Variants in SLC25A25 observed in about 807,000 individuals in gnomAD.
The protein encoded by SLC25A25 is solute carrier family 25 member 25, also known as mitochondrial adenyl nucleotide antiporter SLC25A25.
Under a neutral mutation model 57.7 loss-of-function variants are expected in SLC25A25, and 32 were observed. The observed-to-expected ratio is 0.55, with a 90% CI of 0.42 to 0.74. The LOEUF (loss-of-function observed/expected upper bound fraction) is 0.74. Among genes scored for constraint, SLC25A25 ranks in the 30% least tolerant of loss-of-function variants. The pLI is 0.00. For missense variants in SLC25A25, 556 were observed against 701.3 expected (o/e 0.79, Z 2.34); for synonymous variants, 306 against 291.2 (o/e 1.05, Z -0.52).
rs1476513863 is a variant in SLC25A25, at chr9:128,099,497, G to A, written c.262-1599G>A. ...CCAGAGGGCTCCATGCCTGATGTTCGCCTCCTGCCTAAATGGCTTGTCCAC... is the reference window on the plus strand; with the variant it reads ...CCAGAGGGCTCCATGCCTGATGTTCACCTCCTGCCTAAATGGCTTGTCCAC... On this transcript the variant is annotated intron_variant, in intron 1 of 10. Transcript: ENST00000373069. The surrounding 1 kb of genome is among the most constrained non-coding windows in gnomAD (Gnocchi z 6.8). 3.3e-5 allele frequency: 27 copies of A among 823,594 alleles called. No homozygotes were observed. The highest frequency in any genetic ancestry group is 3.8e-5 in the Non-Finnish European group (24 of 636,482). 51.0% of individuals were successfully genotyped at this position (823,594 alleles called of 1,614,324 possible). A position where few individuals can be genotyped will look rare whatever the true frequency, so the allele number is the denominator to read the frequency against.
chr9:128,106,127 G>A (rs1325636974), intron 7 of SLC25A25, 23 bp from the exon 8 acceptor site: 1 of 1,613,926 alleles, frequency 6.2e-7, no homozygotes, highest in Non-Finnish European at 8.5e-7. Context: ...TATATCAGGT[G>A]GTTTGTTTGT....
In SLC25A25 at chr9:128,102,615, C is replaced by T; in HGVS notation, c.624+134C>T. 1.5e-6 allele frequency: 1 copy of T among 683,280 alleles called. No individual in the cohort carries two copies. The highest frequency in any genetic ancestry group is 1.8e-5 in the South Asian group (1 of 54,264). 42.3% of individuals were successfully genotyped at this position (683,280 alleles called of 1,614,324 possible). A position where few individuals can be genotyped will look rare whatever the true frequency, so the allele number is the denominator to read the frequency against. On this transcript the variant is annotated intron_variant, in intron 5 of 10. Coordinates refer to ENST00000373069, the MANE Select transcript of SLC25A25 (RefSeq NM_001330988.2). This position sits in a 1 kb window ranked among gnomAD's most constrained non-coding sequence, Gnocchi z 4.1. Reference sequence around the variant, plus strand: ...CTTCCACAGGAGACTGTCCCCTCTTCTGCCAGCCCAGTAGAGCTGTCCGCA... The same window carrying T: ...CTTCCACAGGAGACTGTCCCCTCTTTTGCCAGCCCAGTAGAGCTGTCCGCA...
rs1176913723 is a variant in SLC25A25 at position 128,108,897 on chromosome 9, C to T, written c.*1453C>T. 3 of 151,404 alleles carry T rather than the reference C, an allele frequency of 2.0e-5. No homozygotes were observed. Among genetic ancestry groups the T allele is most frequent in the Non-Finnish European group, 2.9e-5 (2 of 67,922 alleles). The allele number at this position is 151,404 out of a possible 1,614,324, so 9.4% of individuals were successfully genotyped here. A position where few individuals can be genotyped will look rare whatever the true frequency, so the allele number is the denominator to read the frequency against. On this transcript the variant is annotated 3_prime_UTR_variant, in exon 11 of 11. Transcript: ENST00000373069. ...TGGAATCCAGTTATTTCCTGCGCTGCGAGGGTTTCTTTATTTCACTCTTTT... is the reference window on the plus strand; with the variant it reads ...TGGAATCCAGTTATTTCCTGCGCTGTGAGGGTTTCTTTATTTCACTCTTTT...
At chr9:128,071,567 ATTTT>A (rs369801313) in intron 1 of SLC25A25, among the ~76,000 whole-genome samples, 1 of 137,650 alleles carries the variant, frequency 7.3e-6, no homozygotes, top group African/African-American at 2.7e-5. Context: ...CGCCCTGCTA[ATTTT>A]TTTTTTTTTT....
chr9:128,068,936 A>T (rs888998353), intron 1 of SLC25A25, among the ~76,000 whole-genome samples: 5 of 152,132 alleles, frequency 3.3e-5, no homozygotes, highest in Non-Finnish European at 4.4e-5. Flanking sequence ...GGATGGGTTC[A>T]TCCATCAGTC....
At chr9:128,088,463 G>A (rs1833327039) in intron 1 of SLC25A25, among the ~76,000 whole-genome samples, 1 of 152,150 alleles carries the variant, frequency 6.6e-6, no homozygotes, top group African/African-American at 2.4e-5. Flanking sequence ...TAGCTGCCCT[G>A]GCCTGGCCTC....
At chr9:128,079,985 C>T (rs183695657) in intron 1 of SLC25A25, among the ~76,000 whole-genome samples, 274 of 142,470 alleles carry the variant, frequency 1.9e-3, no homozygotes, top group African/African-American at 6.7e-3. Context: ...GCGAGACTCC[C>T]TCTCAAAAAA....
At chr9:128,080,500 CG>C (rs1209219684) in intron 1 of SLC25A25, among the ~76,000 whole-genome samples, 2 of 130,254 alleles carry the variant, frequency 1.5e-5, no homozygotes, top group African/African-American at 5.7e-5. Flanking sequence ...TTTTTTGAGA[CG>C]GAGTTTTGCT....
At chr9:128,092,960 C>T (rs1452830937) in intron 1 of SLC25A25, among the ~76,000 whole-genome samples, 2 of 152,180 alleles carry the variant, frequency 1.3e-5, no homozygotes, top group Non-Finnish European at 2.9e-5. Context: ...CTCCTCCCTG[C>T]TGTAGGAGTG....
At position 128,107,702 on chromosome 9, in the gene SLC25A25, CAT is replaced by C; in HGVS notation, c.*259_*260del. 1 of 430,614 alleles carries C rather than the reference CAT, an allele frequency of 2.3e-6. No homozygotes were observed. Among genetic ancestry groups the C allele is most frequent in the Non-Finnish European group, 4.1e-6 (1 of 245,102 alleles). The allele number at this position is 430,614 out of a possible 1,614,324, so 26.7% of individuals were successfully genotyped here. On this transcript the variant is annotated 3_prime_UTR_variant, in exon 11 of 11. Coordinates refer to ENST00000373069, the MANE Select transcript of SLC25A25 (RefSeq NM_001330988.2). ...CCAGGGTCAGCAGGCTCCGGGCTCA[CAT>C]GTGTAAGGACAGGACATTTTCTGCA...
chr9:128,104,714 G>T (rs890325186), intron 6 of SLC25A25, among the ~76,000 whole-genome samples: 9 of 152,138 alleles, frequency 5.9e-5, no homozygotes, highest in African/African-American at 1.2e-4. Context: ...GCATGGGTGG[G>T]GCAGCAGGAG....
chr9:128,103,190 T>C lies in SLC25A25; in HGVS notation c.625-491T>C, dbSNP rs996987427. On this transcript the variant is annotated intron_variant, in intron 5 of 10. Coordinates refer to ENST00000373069, the MANE Select transcript of SLC25A25 (RefSeq NM_001330988.2). The surrounding 1 kb of genome is among the most constrained non-coding windows in gnomAD (Gnocchi z 6.7). ...TTTAGCCCTGGGATCAGAGCAGAGGTGGCTCTGATCAGCCCGGATGTCACC... is the reference window on the plus strand; with the variant it reads ...TTTAGCCCTGGGATCAGAGCAGAGGCGGCTCTGATCAGCCCGGATGTCACC... Among the ~76,000 whole-genome samples, 1 of 152,032 alleles carries C rather than the reference T, an allele frequency of 6.6e-6. No individual in the cohort carries two copies. Among genetic ancestry groups the C allele is most frequent in the Non-Finnish European group, 1.5e-5 (1 of 68,008 alleles).
chr9:128,091,388 C>T (rs1293054924), intron 1 of SLC25A25: 48 of 968,822 alleles, frequency 5.0e-5, no homozygotes, highest in Non-Finnish European at 5.5e-5. Context: ...TTGGTAGTGT[C>T]GGCAGAGGTG....
At chr9:128,091,409 C>A in intron 1 of SLC25A25, 1 of 984,806 alleles carries the variant, frequency 1.0e-6, no homozygotes, top group Non-Finnish European at 1.2e-6. Flanking sequence ...ATTGGCCGGG[C>A]TCTGCTGCAG....
chr9:128,103,403 T>C lies in SLC25A25; in HGVS notation c.625-278T>C, dbSNP rs1013424732. On this transcript the variant is annotated intron_variant, in intron 5 of 10. Coordinates refer to ENST00000373069, the MANE Select transcript of SLC25A25 (RefSeq NM_001330988.2). The surrounding 1 kb of genome is among the most constrained non-coding windows in gnomAD (Gnocchi z 6.7). ...TTCTTGCAGTAGCTCCCTGGCAGCA[T>C]TGGAAAGGGCCGGTGAATGGTTTTC... Among the ~76,000 whole-genome samples the C allele has an allele frequency of 2.0e-5, 3 of 152,186 alleles. No homozygotes were observed. The highest frequency in any genetic ancestry group is 7.2e-5 in the African/African-American group (3 of 41,442).
Position 128,103,589 on chromosome 9 carries a change from G to T in SLC25A25, c.625-92G>T. 6 of 1,542,432 alleles carry T rather than the reference G, an allele frequency of 3.9e-6. No homozygotes were observed. In the South Asian group the frequency reaches 5.7e-5, roughly 15 times the overall value. ...CCTTCTCCCTGTCCTGTGGTCCCTG[G>T]CCTGGAGCCGTGCTAGAGGGTAGAC... On this transcript the variant is annotated intron_variant, in intron 5 of 10. Transcript: ENST00000373069. The surrounding 1 kb of genome is among the most constrained non-coding windows in gnomAD (Gnocchi z 6.7).
chr9:128,087,330 C>T (rs921051881), intron 1 of SLC25A25, among the ~76,000 whole-genome samples: 4 of 151,854 alleles, frequency 2.6e-5, no homozygotes, highest in Non-Finnish European at 4.4e-5. Context: ...GACGCAGTCT[C>T]GGCTTACTGC....
In SLC25A25 at chr9:128,107,594, G is replaced by C. The variant is rs1834106622; in HGVS notation, c.*150G>C. On this transcript the variant is annotated 3_prime_UTR_variant, in exon 11 of 11. Coordinates refer to ENST00000373069, the MANE Select transcript of SLC25A25 (RefSeq NM_001330988.2). ...CGCACCCGCAGGGAGGGTGGGGAGA[G>C]CTGGCAGGCCCAGGGCTTGTCCTGC... 2.2e-6 allele frequency: 2 copies of C among 920,368 alleles called. No individual in the cohort carries two copies. Among genetic ancestry groups the C allele is most frequent in the Admixed American group, 3.5e-5 (1 of 28,848 alleles). The allele number at this position is 920,368 out of a possible 1,614,324, so 57.0% of individuals were successfully genotyped here.
intron 1 of SLC25A25, among the ~76,000 whole-genome samples, chr9:128,087,385 C>T (rs1197383413): frequency 1.3e-5 from 2 of 152,222 alleles, no homozygotes; most frequent in East Asian, 3.9e-4. Flanking sequence ...CCTCAGCCTC[C>T]TGAGTAGCTG....
Sources: gnomAD v4.1 joint callset for allele counts (sites outside exome capture counted in the v4.1 genomes callset) on GRCh38, gnomAD v4.1.1 for gene constraint, Gnocchi (gnomAD v3.1) non-coding constraint, MANE v1.5 for transcripts, NCBI Gene and HGNC (gene_info 2026-07-23, HGNC 2026-07-21) for gene names.